The following COL6A6 variants were observed in gnomAD, a reference collection of about 807,000 sequenced individuals.
COL6A6 encodes collagen alpha-6(VI) chain.
A neutral mutation model predicts 208.6 loss-of-function variants in COL6A6; 183 were observed. The ratio of observed to expected loss-of-function variants is 0.88; its 90% CI spans 0.78 to 0.99. COL6A6 has a LOEUF of 0.99. Ranked by LOEUF, COL6A6 falls within the 50% of genes least tolerant of loss-of-function variation. The pLI is 0.00. For synonymous variants in COL6A6, 973 were observed against 1,011.8 expected (o/e 0.96, Z 0.73); for missense variants, 2,816 against 2,815.2 (o/e 1.00, Z -0.01).
In COL6A6 at chr3:130,537,817, G is replaced by A. The variant is rs75114718; in HGVS notation, c.-32+20420G>A. On this transcript the variant is annotated intron_variant, in intron 1 of 36. Coordinates refer to ENST00000358511, the MANE Select transcript of COL6A6 (RefSeq NM_001102608.3). ...AGACTAGCTGATGTCATTATTGGCCGTTATAAATTGTGTCAGTATGGCTGC... is the reference window on the plus strand; with the variant it reads ...AGACTAGCTGATGTCATTATTGGCCATTATAAATTGTGTCAGTATGGCTGC... Among the ~76,000 whole-genome samples the A allele has an allele frequency of 6.0e-4, 91 of 152,238 alleles. No individual in the cohort carries two copies. In the East Asian group the frequency reaches 0.014, roughly 24 times the overall value.
At chr3:130,585,515 T>C (rs2063518287) in intron 10 of COL6A6, among the ~76,000 whole-genome samples, 1 of 152,238 alleles carries the variant, frequency 6.6e-6, no homozygotes, top group South Asian at 2.1e-4. Flanking sequence ...GCTGAATTAC[T>C]TCCTCCACCA....
chr3:130,576,640 G>A (rs1425901320), intron 8 of COL6A6, among the ~76,000 whole-genome samples: 2 of 143,236 alleles, frequency 1.4e-5, no homozygotes, highest in Non-Finnish European at 3.0e-5. Context: ...TAAGTAATGA[G>A]TTATTTTTTA....
At position 130,563,634 on chromosome 3, in the gene COL6A6, G is replaced by C. The variant is rs752841549; in HGVS notation, c.631G>C (p.Glu211Gln). The change falls in exon 3 of 37, where the codon GAG becomes CAG. Residue 211 changes from glutamate to glutamine, a missense_variant. Coordinates refer to ENST00000358511, the MANE Select transcript of COL6A6 (RefSeq NM_001102608.3). Reference sequence around the variant, plus strand: ...CATCAAGGATGTAATAAAGTACAAGGAGGGAGCAGTTGATGACATCTTTGT... The same window carrying C: ...CATCAAGGATGTAATAAAGTACAAGCAGGGAGCAGTTGATGACATCTTTGT... ...HIIKDVIKYKEGAVDDIFVEA... is the reference protein window; with the variant it reads ...HIIKDVIKYKQGAVDDIFVEA... 1.9e-6 allele frequency: 3 copies of C among 1,613,058 alleles called. No homozygotes were observed. The Admixed American group carries it at 5.0e-5, about 27-fold the overall frequency.
chr3:130,527,367 C>A (rs1420987562), intron 1 of COL6A6, among the ~76,000 whole-genome samples: 1 of 152,170 alleles, frequency 6.6e-6, no homozygotes, highest in Non-Finnish European at 1.5e-5. Context: ...TGATTTGTGT[C>A]CTGTTTTGAA....
At chr3:130,643,938 A>G (rs1485830568) in intron 31 of COL6A6, among the ~76,000 whole-genome samples, 3 of 152,200 alleles carry the variant, frequency 2.0e-5, no homozygotes, top group African/African-American at 7.2e-5. Context: ...ACATGTATAC[A>G]TTGAGTCATG....
At chr3:130,531,015 TACAC>T (rs58738761) in intron 1 of COL6A6, among the ~76,000 whole-genome samples, 1,589 of 143,014 alleles carry the variant, frequency 0.011, 17 homozygotes, top group Middle Eastern at 0.028. Flanking sequence ...CCCCCTCCTC[TACAC>T]ACACACACAC....
At chr3:130,588,104 A>G (rs1484937407) in intron 11 of COL6A6, among the ~76,000 whole-genome samples, 1 of 152,212 alleles carries the variant, frequency 6.6e-6, no homozygotes, top group Non-Finnish European at 1.5e-5. Flanking sequence ...CCATTTTGTT[A>G]TTGTTTGCTT....
intron 1 of COL6A6, among the ~76,000 whole-genome samples, chr3:130,528,916 A>G (rs1439825811): frequency 6.6e-6 from 1 of 152,118 alleles, no homozygotes; most frequent in Non-Finnish European, 1.5e-5. Context: ...ACGTTGCATA[A>G]CCCTCTCTCT....
At chr3:130,549,883 A>T (rs1052224563) in intron 1 of COL6A6, among the ~76,000 whole-genome samples, 4 of 152,130 alleles carry the variant, frequency 2.6e-5, no homozygotes, top group African/African-American at 9.7e-5. Context: ...GGTTCCATCT[A>T]AATTTTAAAG....
chr3:130,539,005 T>G (rs1408555252), intron 1 of COL6A6, among the ~76,000 whole-genome samples: 3 of 152,188 alleles, frequency 2.0e-5, no homozygotes, highest in Non-Finnish European at 4.4e-5. Flanking sequence ...GTAAACACAT[T>G]CATGGGGTGG....
chr3:130,546,491 G>A (rs756649786), intron 1 of COL6A6, among the ~76,000 whole-genome samples: 3 of 152,204 alleles, frequency 2.0e-5, no homozygotes, highest in Non-Finnish European at 4.4e-5. Flanking sequence ...TCACAGCATG[G>A]AAGAGGACCT....
intron 1 of COL6A6, among the ~76,000 whole-genome samples, chr3:130,525,851 A>T (rs1218559293): frequency 6.6e-6 from 1 of 152,202 alleles, no homozygotes; most frequent in Non-Finnish European, 1.5e-5. Flanking sequence ...TGGGCTAGTT[A>T]ACTCTCACCA....
intron 1 of COL6A6, among the ~76,000 whole-genome samples, chr3:130,536,242 C>G (rs2062221618): frequency 6.6e-6 from 1 of 152,222 alleles, no homozygotes; most frequent in African/African-American, 2.4e-5. Flanking sequence ...TAAAGTCACA[C>G]TCAAGTCTCA....
chr3:130,593,941 AC>A (rs2063783642), intron 17 of COL6A6, among the ~76,000 whole-genome samples: 1 of 152,206 alleles, frequency 6.6e-6, no homozygotes. Context: ...TGAGTCAGAA[AC>A]AACCATCTTG....
intron 23 of COL6A6, among the ~76,000 whole-genome samples, chr3:130,613,192 A>G: frequency 6.6e-6 from 1 of 152,138 alleles, no homozygotes; most frequent in Non-Finnish European, 1.5e-5. Context: ...ATTTTTGTAT[A>G]TGGTATAAGG....
chr3:130,541,015 T>C (rs2062350129), intron 1 of COL6A6, among the ~76,000 whole-genome samples: 1 of 152,214 alleles, frequency 6.6e-6, no homozygotes, highest in East Asian at 1.9e-4. Context: ...CCTTTGGGTA[T>C]ATGCCCAGTA....
intron 17 of COL6A6, 109 bp downstream of exon 17, chr3:130,593,361 CAT>C: frequency 2.4e-6 from 2 of 817,032 alleles, no homozygotes; most frequent in Non-Finnish European, 4.1e-6. Context: ...TTGTGACAGT[CAT>C]AAAACCTCAA....
chr3:130,668,746 A>G (rs2066138347), intron 36 of COL6A6, among the ~76,000 whole-genome samples: 1 of 152,210 alleles, frequency 6.6e-6, no homozygotes, highest in East Asian at 1.9e-4. Flanking sequence ...CTTAAAATAG[A>G]CAAAAGAGAA....
At chr3:130,593,006 A>T in intron 15 of COL6A6, 55 bp from the exon 16 acceptor site, 1 of 1,500,082 alleles carries the variant, frequency 6.7e-7, no homozygotes, top group Non-Finnish European at 9.2e-7. Context: ...TTGGCATCTG[A>T]CTTCTTTACA....
Sources: allele counts gnomAD v4.1 joint callset (sites outside exome capture counted in the v4.1 genomes callset), GRCh38; gene constraint gnomAD v4.1.1; transcripts MANE v1.5; gene names NCBI Gene and HGNC (gene_info 2026-07-23, HGNC 2026-07-21).